The following PDE4B variants were observed in gnomAD, a reference collection of about 807,000 sequenced individuals.
PDE4B encodes phosphodiesterase 4B, also known as 3',5'-cyclic-AMP phosphodiesterase 4B.
Under a neutral mutation model 82.2 loss-of-function variants are expected in PDE4B, and 20 were observed. The ratio of observed to expected loss-of-function variants is 0.24; its 90% confidence interval spans 0.17 to 0.35. The LOEUF is 0.35. Among genes scored for constraint, PDE4B ranks in the 10% least tolerant of loss-of-function variants. PDE4B has a pLI of 1.00. For missense variants in PDE4B, 655 were observed against 907.2 expected, an observed-to-expected ratio of 0.72 and a Z score of 3.57; for synonymous variants, 320 against 318.9, an observed-to-expected ratio of 1.00 and a Z score of -0.04.
intron 3 of PDE4B, among the ~76,000 whole-genome samples, chr1:66,051,582 A>G (rs1655030660): frequency 6.6e-6 from 1 of 152,094 alleles, no homozygotes. Context: ...AGAGGTAGAA[A>G]ACATTTATTA....
At chr1:66,162,050 A>G (rs1029602838) in intron 3 of PDE4B, among the ~76,000 whole-genome samples, 7 of 151,934 alleles carry the variant, frequency 4.6e-5, no homozygotes, top group Non-Finnish European at 8.8e-5. Context: ...GTGCTCACTG[A>G]ATGGTGCTAG....
chr1:65,875,857 C>T (rs74897126), intron 1 of PDE4B, among the ~76,000 whole-genome samples: 3,028 of 150,168 alleles, frequency 0.02, 116 homozygotes, highest in East Asian at 0.12. Flanking sequence ...TGTTGGATGA[C>T]GAGTTATTGG....
chr1:66,038,957 T>C (rs545594651), intron 3 of PDE4B, among the ~76,000 whole-genome samples: 1 of 152,244 alleles, frequency 6.6e-6, no homozygotes, highest in African/African-American at 2.4e-5. Flanking sequence ...TCAGAAGTCC[T>C]ATTCAGTAAA....
chr1:65,969,776 TG>T (rs1242863703), intron 3 of PDE4B, among the ~76,000 whole-genome samples: 1 of 152,144 alleles, frequency 6.6e-6, no homozygotes, highest in African/African-American at 2.4e-5. Flanking sequence ...ATAAATGGTA[TG>T]ATTAGTTTTG....
intron 3 of PDE4B, among the ~76,000 whole-genome samples, chr1:66,054,257 TTTAG>T (rs1405505533): frequency 6.6e-6 from 1 of 152,200 alleles, no homozygotes; most frequent in African/African-American, 2.4e-5. Flanking sequence ...GCCTTATACA[TTTAG>T]TTAGACAGGA....
chr1:65,937,240 G>T (rs1648200646), intron 3 of PDE4B, among the ~76,000 whole-genome samples: 1 of 152,154 alleles, frequency 6.6e-6, no homozygotes, highest in Non-Finnish European at 1.5e-5. Context: ...AATGTTCACT[G>T]TCTCAACGTT....
chr1:66,352,883 C>A (rs1308781305), intron 8 of PDE4B, among the ~76,000 whole-genome samples: 1 of 152,094 alleles, frequency 6.6e-6, no homozygotes, highest in Non-Finnish European at 1.5e-5. Flanking sequence ...CAAAATGAGA[C>A]AATTGTTTGA....
chr1:66,156,553 C>T (rs1475029757), intron 3 of PDE4B, among the ~76,000 whole-genome samples: 1 of 151,966 alleles, frequency 6.6e-6, no homozygotes, highest in Non-Finnish European at 1.5e-5. Flanking sequence ...GGTAAGCATT[C>T]TCTAATATCT....
chr1:65,875,809 G>T (rs1412374189), intron 1 of PDE4B, among the ~76,000 whole-genome samples: 1 of 122,450 alleles, frequency 8.2e-6, no homozygotes, highest in African/African-American at 3.0e-5. Context: ...GGTGGGGTGG[G>T]GGGAGGGGGG....
chr1:66,152,156 G>A (rs1483755338), intron 3 of PDE4B, among the ~76,000 whole-genome samples: 1 of 152,040 alleles, frequency 6.6e-6, no homozygotes, highest in African/African-American at 2.4e-5. Flanking sequence ...GAAGATTTTT[G>A]GTGTAACAGA....
intron 3 of PDE4B, among the ~76,000 whole-genome samples, chr1:66,110,607 C>T (rs1452130289): frequency 6.6e-6 from 1 of 152,032 alleles, no homozygotes; most frequent in Non-Finnish European, 1.5e-5. Flanking sequence ...ATTTAACCAT[C>T]TGTGTTTTTG....
At chr1:65,875,246 A>C (rs1303753756) in intron 1 of PDE4B, among the ~76,000 whole-genome samples, 1 of 150,760 alleles carries the variant, frequency 6.6e-6, no homozygotes, top group Admixed American at 6.6e-5. Flanking sequence ...CAAAACCACT[A>C]TGAGATACCA....
chr1:66,154,498 G>C (rs980158411), intron 3 of PDE4B, among the ~76,000 whole-genome samples: 1 of 152,172 alleles, frequency 6.6e-6, no homozygotes, highest in African/African-American at 2.4e-5. Flanking sequence ...TCTGTGCCTA[G>C]GGCCGTCCTT....
At position 66,330,368 on chromosome 1, in the gene PDE4B, G is replaced by C. The variant is rs563240161; in HGVS notation, c.635-2140G>C. 3.2e-5 allele frequency among the ~76,000 whole-genome samples: 3 copies of C among 95,236 alleles called. No individual in the cohort carries two copies. The East Asian group carries it at 1.7e-3, about 53-fold the overall frequency. The allele number at this position is 95,236 out of a possible 152,430, so 62.5% of individuals were successfully genotyped here. A position where few individuals can be genotyped will look rare whatever the true frequency, so the allele number is the denominator to read the frequency against. On this transcript the variant is annotated intron_variant, in intron 7 of 16. Coordinates refer to ENST00000341517, the MANE Select transcript of PDE4B (RefSeq NM_002600.4). ...GAGCTCACTGGTGTATCTTTGAAGA[G>C]TCCTTCTCTTTTTTGTACTTCTGCG...
At chr1:65,906,129 A>T (rs1639647787) in intron 1 of PDE4B, among the ~76,000 whole-genome samples, 1 of 152,176 alleles carries the variant, frequency 6.6e-6, no homozygotes, top group Admixed American at 6.6e-5. Flanking sequence ...CTGTTTGATA[A>T]ATACCTTTGA....
intron 3 of PDE4B, among the ~76,000 whole-genome samples, chr1:66,120,652 C>A (rs2101077195): frequency 6.6e-6 from 1 of 152,168 alleles, no homozygotes; most frequent in Non-Finnish European, 1.5e-5. Flanking sequence ...GGCCAGGATT[C>A]CCACACAATA....
chr1:65,928,025 A>T (rs138871512), intron 3 of PDE4B, among the ~76,000 whole-genome samples: 1 of 152,166 alleles, frequency 6.6e-6, no homozygotes, highest in Non-Finnish European at 1.5e-5. Context: ...TCTGGAATCA[A>T]TGTCAGCTCA....
At chr1:65,922,980 T>A (rs533580371) in intron 3 of PDE4B, among the ~76,000 whole-genome samples, 132 of 152,292 alleles carry the variant, frequency 8.7e-4, no homozygotes, top group Non-Finnish European at 1.6e-3. Flanking sequence ...TATTGACCAC[T>A]GCCCTTTTGA....
At chr1:65,854,295 A>G (rs1646367586) in intron 1 of PDE4B, among the ~76,000 whole-genome samples, 1 of 151,784 alleles carries the variant, frequency 6.6e-6, no homozygotes, top group Non-Finnish European at 1.5e-5. Flanking sequence ...TAAAAATTAG[A>G]AGCAATTTAT....
Sources: allele counts gnomAD v4.1 joint callset (sites outside exome capture counted in the v4.1 genomes callset), GRCh38; gene constraint gnomAD v4.1.1; transcripts MANE v1.5; gene names NCBI Gene and HGNC (gene_info 2026-07-23, HGNC 2026-07-21).